Variants in CCSER1 observed in about 807,000 individuals in gnomAD.
The protein encoded by CCSER1 is coiled-coil serine rich protein 1, also known as serine-rich coiled-coil domain-containing protein 1.
Under a neutral mutation model 82.0 loss-of-function variants are expected in CCSER1, and 41 were observed. That is an observed-to-expected ratio of 0.50 (90% CI 0.39 to 0.65). The LOEUF is 0.65. Ranked by LOEUF, CCSER1 falls within the 30% of genes least tolerant of loss-of-function variation. CCSER1 has a pLI of 0.00. For synonymous variants in CCSER1, 414 were observed against 383.9 expected, an observed-to-expected ratio of 1.08 and a Z score of -0.92; for missense variants, 1,119 against 1,064.2, an observed-to-expected ratio of 1.05 and a Z score of -0.72.
At chr4:91,025,461 A>T (rs1740406231) in intron 9 of CCSER1, among the ~76,000 whole-genome samples, 1 of 152,034 alleles carries the variant, frequency 6.6e-6, no homozygotes, top group Non-Finnish European at 1.5e-5. Flanking sequence ...CTTTTAGATG[A>T]TGTTATATGC....
chr4:90,860,306 C>T (rs1764928126), intron 8 of CCSER1, among the ~76,000 whole-genome samples: 1 of 151,326 alleles, frequency 6.6e-6, no homozygotes, highest in South Asian at 2.1e-4. Flanking sequence ...CAATGAGATA[C>T]CACTTGACAC....
At chr4:90,188,717 T>C (rs1010112629) in intron 1 of CCSER1, among the ~76,000 whole-genome samples, 1 of 151,948 alleles carries the variant, frequency 6.6e-6, no homozygotes, top group Non-Finnish European at 1.5e-5. Context: ...AATTAAACCA[T>C]CCAGCTCTGA....
chr4:90,610,079 C>A (rs1218675850), intron 5 of CCSER1, among the ~76,000 whole-genome samples: 1 of 151,930 alleles, frequency 6.6e-6, no homozygotes, highest in African/African-American at 2.4e-5. Flanking sequence ...CGGTGAAACC[C>A]CGTCTCCACT....
chr4:90,276,351 T>TC (rs1727810980), intron 1 of CCSER1, among the ~76,000 whole-genome samples: 1 of 132,952 alleles, frequency 7.5e-6, no homozygotes, highest in African/African-American at 3.4e-5. Flanking sequence ...TTTCTTTCTT[T>TC]TTTTTTTTTT....
intron 10 of CCSER1, among the ~76,000 whole-genome samples, chr4:91,118,037 C>T (rs953301554): frequency 1.2e-4 from 19 of 152,006 alleles, no homozygotes; most frequent in African/African-American, 2.2e-4. Flanking sequence ...ATGTATTAAA[C>T]AGCAAAATGC....
chr4:91,309,381 C>T (rs1050949256), intron 10 of CCSER1, among the ~76,000 whole-genome samples: 7 of 152,070 alleles, frequency 4.6e-5, no homozygotes, highest in South Asian at 4.1e-4. Context: ...TGCATGTGCA[C>T]GCACGTGCTC....
At chr4:91,186,554 C>T (rs575458211) in intron 10 of CCSER1, among the ~76,000 whole-genome samples, 9 of 152,166 alleles carry the variant, frequency 5.9e-5, no homozygotes, top group Non-Finnish European at 8.8e-5. Flanking sequence ...AACTCAGCGG[C>T]GCTAGAGGAA....
At chr4:90,840,792 CTG>C (rs1400180061) in intron 8 of CCSER1, among the ~76,000 whole-genome samples, 1 of 151,862 alleles carries the variant, frequency 6.6e-6, no homozygotes, top group Non-Finnish European at 1.5e-5. Flanking sequence ...ATGCAAGTCA[CTG>C]TGAATTTTGC....
intron 1 of CCSER1, among the ~76,000 whole-genome samples, chr4:90,263,316 C>T (rs946813711): frequency 3.9e-5 from 6 of 152,160 alleles, no homozygotes; most frequent in South Asian, 2.1e-4. Context: ...ACTCTGGACT[C>T]GTACTGGGGA....
chr4:90,541,768 A>G (rs1776144068), intron 5 of CCSER1, among the ~76,000 whole-genome samples: 2 of 151,892 alleles, frequency 1.3e-5, no homozygotes. Flanking sequence ...TTATGTTTGA[A>G]AATAGTTTGA....
At chr4:90,445,785 A>G (rs1760569513) in intron 4 of CCSER1, among the ~76,000 whole-genome samples, 1 of 152,110 alleles carries the variant, frequency 6.6e-6, no homozygotes, top group Non-Finnish European at 1.5e-5. Context: ...ATATTGGGTT[A>G]TTACAGTTAC....
intron 10 of CCSER1, among the ~76,000 whole-genome samples, chr4:91,378,537 T>C (rs1750613653): frequency 6.6e-6 from 1 of 152,244 alleles, no homozygotes; most frequent in African/African-American, 2.4e-5. Flanking sequence ...TCACTCATGA[T>C]TTGGCTCTCT....
At chr4:90,311,370 A>G (rs1157312705) in intron 2 of CCSER1, among the ~76,000 whole-genome samples, 2 of 151,748 alleles carry the variant, frequency 1.3e-5, no homozygotes, top group South Asian at 2.1e-4. Context: ...GACTATTACT[A>G]TGTTGATTGG....
At chr4:91,471,345 T>C (rs1444334886) in intron 10 of CCSER1, among the ~76,000 whole-genome samples, 1 of 152,076 alleles carries the variant, frequency 6.6e-6, no homozygotes, top group African/African-American at 2.4e-5. Context: ...TTACCATGAG[T>C]GTAATCTACC....
chr4:91,018,771 C>T (rs1341294735), intron 9 of CCSER1, among the ~76,000 whole-genome samples: 2 of 151,864 alleles, frequency 1.3e-5, no homozygotes, highest in African/African-American at 4.8e-5. Context: ...TTTATTTTCA[C>T]CTACCTGGAC....
intron 10 of CCSER1, among the ~76,000 whole-genome samples, chr4:91,291,803 G>T (rs1465979398): frequency 6.6e-6 from 1 of 151,968 alleles, no homozygotes; most frequent in Non-Finnish European, 1.5e-5. Context: ...TCTGAGTAAA[G>T]AAAAGCATGA....
intron 5 of CCSER1, among the ~76,000 whole-genome samples, chr4:90,542,906 G>C (rs1776281569): frequency 6.6e-6 from 1 of 151,990 alleles, no homozygotes; most frequent in African/African-American, 2.4e-5. Context: ...GGAGAATGAG[G>C]AAAAGGAATT....
chr4:90,980,294 C>T (rs1735993079), intron 9 of CCSER1, among the ~76,000 whole-genome samples: 1 of 151,896 alleles, frequency 6.6e-6, no homozygotes, highest in Middle Eastern at 3.4e-3. Flanking sequence ...AATATGATAG[C>T]TCTGAGGCAA....
intron 3 of CCSER1, among the ~76,000 whole-genome samples, chr4:90,351,140 A>G (rs1392318991): frequency 6.6e-6 from 1 of 152,218 alleles, no homozygotes; most frequent in African/African-American, 2.4e-5. Context: ...AACAGGTATT[A>G]AAATATATTG....
Sources: allele counts gnomAD v4.1 joint callset (sites outside exome capture counted in the v4.1 genomes callset), GRCh38; gene constraint gnomAD v4.1.1; transcripts MANE v1.5; gene names NCBI Gene and HGNC (gene_info 2026-07-23, HGNC 2026-07-21).